The following MACROD2 variants were observed in gnomAD, a reference collection of about 807,000 sequenced individuals.
The protein encoded by MACROD2 is mono-ADP ribosylhydrolase 2.
In MACROD2, 36 loss-of-function variants were observed where a neutral mutation model predicts 70.4. The observed-to-expected ratio is 0.51, with a 90% CI of 0.39 to 0.68. The LOEUF is 0.68. Ranked by LOEUF, MACROD2 falls within the 30% of genes least tolerant of loss-of-function variation. MACROD2 has a pLI of 0.00. For synonymous variants in MACROD2, 172 were observed against 178.8 expected (o/e 0.96, Z 0.30); for missense variants, 496 against 538.4 (o/e 0.92, Z 0.78).
intron 7 of MACROD2, among the ~76,000 whole-genome samples, chr20:15,492,158 G>A (rs1308364362): frequency 6.6e-6 from 1 of 152,198 alleles, no homozygotes; most frequent in Non-Finnish European, 1.5e-5. Context: ...AGCCAGAATG[G>A]TCTGAGTGGC....
intron 10 of MACROD2, among the ~76,000 whole-genome samples, chr20:15,901,499 C>T (rs773558766): frequency 3.3e-5 from 5 of 152,228 alleles, no homozygotes; most frequent in Admixed American, 6.5e-5. Context: ...ACTGATACCG[C>T]ACTCTAGAGT....
At chr20:14,235,047 A>C (rs981463751) in intron 3 of MACROD2, among the ~76,000 whole-genome samples, 56 of 152,230 alleles carry the variant, frequency 3.7e-4, no homozygotes, top group Admixed American at 3.3e-3. Context: ...GTTTCTGTCT[A>C]TTTATAGGTG....
intron 5 of MACROD2, chr20:15,197,120 C>A: frequency 1.6e-6 from 1 of 619,610 alleles, no homozygotes; most frequent in Non-Finnish European, 2.0e-6. Flanking sequence ...GGTGAGTTTC[C>A]CTGTTCCCCA....
At chr20:15,436,020 T>A (rs575466025) in intron 7 of MACROD2, among the ~76,000 whole-genome samples, 10 of 152,252 alleles carry the variant, frequency 6.6e-5, no homozygotes, top group Admixed American at 4.6e-4. Context: ...TACACAAAGG[T>A]CGCATGCCAT....
chr20:14,771,812 T>C lies in MACROD2; in HGVS notation c.418+86853T>C, dbSNP rs916025958. Among the ~76,000 whole-genome samples, 121 of 151,942 alleles carry C rather than the reference T, an allele frequency of 8.0e-4. 1 individual carries two copies. The highest frequency in any genetic ancestry group is 3.9e-4 in the Admixed American group (6 of 15,238). ...ATGTGTATATATATATGTATATGTA[T>C]GTGTGTTTGTGTGTGTGTAGGATAA... On this transcript the variant is annotated intron_variant, in intron 5 of 17. Coordinates refer to ENST00000684519, the MANE Select transcript of MACROD2 (RefSeq NM_001351661.2).
chr20:15,542,940 A>C (rs904550790), intron 8 of MACROD2, among the ~76,000 whole-genome samples: 1 of 152,166 alleles, frequency 6.6e-6, no homozygotes, highest in Non-Finnish European at 1.5e-5. Context: ...AGTCTACCCC[A>C]CTGGCAGAGG....
chr20:14,693,152 T>G (rs917242124), intron 5 of MACROD2, among the ~76,000 whole-genome samples: 1 of 152,170 alleles, frequency 6.6e-6, no homozygotes, highest in East Asian at 1.9e-4. Context: ...TGCTGTGAAA[T>G]AAGTAGTTAG....
intron 5 of MACROD2, among the ~76,000 whole-genome samples, chr20:15,136,193 C>A (rs1196303438): frequency 2.0e-5 from 3 of 148,222 alleles, no homozygotes; most frequent in Admixed American, 6.8e-5. Context: ...ACTTTCTTCA[C>A]AGAATTGGAA....
At chr20:14,053,865 A>G (rs1342969887) in intron 2 of MACROD2, among the ~76,000 whole-genome samples, 1 of 152,114 alleles carries the variant, frequency 6.6e-6, no homozygotes, top group Admixed American at 6.6e-5. Context: ...ATATGTCAAA[A>G]TAAAAATTTT....
intron 5 of MACROD2, among the ~76,000 whole-genome samples, chr20:15,203,368 C>A (rs758464810): frequency 6.6e-6 from 1 of 151,790 alleles, no homozygotes; most frequent in Non-Finnish European, 1.5e-5. Flanking sequence ...TTTTATGAAC[C>A]GAGTGGGAAG....
At chr20:15,103,619 T>C (rs1355224666) in intron 5 of MACROD2, among the ~76,000 whole-genome samples, 1 of 152,160 alleles carries the variant, frequency 6.6e-6, no homozygotes, top group Non-Finnish European at 1.5e-5. Context: ...CAGCACAAGC[T>C]CCTGAGTGAG....
intron 5 of MACROD2, among the ~76,000 whole-genome samples, chr20:14,979,597 A>G (rs1375359396): frequency 6.6e-6 from 1 of 152,236 alleles, no homozygotes; most frequent in Non-Finnish European, 1.5e-5. Flanking sequence ...GGAAAAAGAA[A>G]TGGGTTCTTG....
intron 5 of MACROD2, among the ~76,000 whole-genome samples, chr20:14,986,945 T>C (rs997857682): frequency 6.6e-6 from 1 of 152,128 alleles, no homozygotes; most frequent in Non-Finnish European, 1.5e-5. Context: ...GGTACAGCTA[T>C]ATATTGCAAT....
chr20:15,454,446 C>G (rs2046691908), intron 7 of MACROD2, among the ~76,000 whole-genome samples: 1 of 118,516 alleles, frequency 8.4e-6, no homozygotes, highest in South Asian at 2.5e-4. Context: ...CACACACACA[C>G]ACACACACCC....
intron 5 of MACROD2, among the ~76,000 whole-genome samples, chr20:15,001,574 G>A (rs1462819830): frequency 6.6e-6 from 1 of 152,026 alleles, no homozygotes; most frequent in Non-Finnish European, 1.5e-5. Context: ...GCTGCAATAT[G>A]CTATGTCCAT....
chr20:14,348,764 TAA>T (rs1210448833), intron 3 of MACROD2, among the ~76,000 whole-genome samples: 13 of 152,146 alleles, frequency 8.5e-5, no homozygotes, highest in African/African-American at 3.1e-4. Flanking sequence ...TTTTTAACTG[TAA>T]GAAATGAACT....
intron 3 of MACROD2, among the ~76,000 whole-genome samples, chr20:14,424,676 A>C (rs942519037): frequency 6.6e-6 from 1 of 152,136 alleles, no homozygotes; most frequent in Non-Finnish European, 1.5e-5. Flanking sequence ...CCAATTTATG[A>C]TGTTTGCCAT....
At chr20:15,384,919 C>T (rs1320513992) in intron 6 of MACROD2, among the ~76,000 whole-genome samples, 1 of 152,152 alleles carries the variant, frequency 6.6e-6, no homozygotes, top group Non-Finnish European at 1.5e-5. Flanking sequence ...TAAGACCCCC[C>T]TCCTTAATCT....
At chr20:15,591,839 C>G (rs2048684814) in intron 8 of MACROD2, among the ~76,000 whole-genome samples, 1 of 152,162 alleles carries the variant, frequency 6.6e-6, no homozygotes, top group Non-Finnish European at 1.5e-5. Flanking sequence ...TCCTCCCACC[C>G]TGGCCCCTTT....
Sources: gnomAD v4.1 joint callset for allele counts (sites outside exome capture counted in the v4.1 genomes callset) on GRCh38, gnomAD v4.1.1 for gene constraint, MANE v1.5 for transcripts, NCBI Gene and HGNC (gene_info 2026-07-23, HGNC 2026-07-21) for gene names.